Variants in KIF16B observed in about 807,000 individuals in gnomAD.
KIF16B encodes kinesin family member 16B.
A neutral mutation model predicts 156.3 loss-of-function variants in KIF16B; 98 were observed. The observed-to-expected ratio is 0.63, with a 90% confidence interval of 0.53 to 0.74. The LOEUF (loss-of-function observed/expected upper bound fraction) is 0.74, where lower values mean the gene tolerates loss of function less well. Among genes scored for constraint, KIF16B ranks in the 30% least tolerant of loss-of-function variants. The pLI is 0.00. For synonymous variants in KIF16B, 564 were observed against 583.7 expected, an observed-to-expected ratio of 0.97 and a Z score of 0.49; for missense variants, 1,421 against 1,606.5, an observed-to-expected ratio of 0.88 and a Z score of 1.97.
At chr20:16,436,716 C>T (rs984421364) in intron 12 of KIF16B, among the ~76,000 whole-genome samples, 47 of 152,316 alleles carry the variant, frequency 3.1e-4, no homozygotes, top group African/African-American at 1.1e-3. Context: ...AGCAGTATTG[C>T]TGCTGCAGGC....
intron 1 of KIF16B, among the ~76,000 whole-genome samples, chr20:16,543,650 A>G (rs2070289666): frequency 6.6e-6 from 1 of 152,134 alleles, no homozygotes; most frequent in South Asian, 2.1e-4. Flanking sequence ...GCTCAAGACC[A>G]AAGATAATAA....
At chr20:16,406,252 C>G (rs762182894) in intron 16 of KIF16B, 122 bp downstream of exon 16, 17 of 784,340 alleles carry the variant, frequency 2.2e-5, no homozygotes, top group Non-Finnish European at 3.5e-5. Flanking sequence ...ATCCAGATCA[C>G]AGAACTACTT....
chr20:16,559,383 A>G (rs2147348191), intron 1 of KIF16B, among the ~76,000 whole-genome samples: 2 of 152,338 alleles, frequency 1.3e-5, no homozygotes, highest in South Asian at 4.1e-4. Context: ...CTCTTACCCT[A>G]AATATGGTTA....
In KIF16B at chr20:16,379,664, G is replaced by T; in HGVS notation, c.2338C>A (p.Arg780=). The T allele has an allele frequency of 1.9e-6, 3 of 1,613,984 alleles. No individual in the cohort carries two copies. Among genetic ancestry groups the T allele is most frequent in the East Asian group, 2.2e-5 (1 of 44,850 alleles). ...REKQEMIQLL[R]RGEVQWVEEE... ...TCCACCCACTGTACCTCCCCACGCCGCAGGAGCTGGATCATCTCCTGCTTC... is the reference window on the plus strand; with the variant it reads ...TCCACCCACTGTACCTCCCCACGCCTCAGGAGCTGGATCATCTCCTGCTTC... The change falls in exon 19 of 26, where the codon CGG becomes AGG. Residue 780 remains arginine, a synonymous_variant. Transcript: ENST00000354981.
intron 24 of KIF16B, among the ~76,000 whole-genome samples, chr20:16,326,286 A>G (rs925826361): frequency 3.9e-5 from 6 of 151,930 alleles, no homozygotes; most frequent in East Asian, 3.8e-4. Flanking sequence ...AACAAAAAAA[A>G]AAAGATAAAT....
intron 1 of KIF16B, among the ~76,000 whole-genome samples, chr20:16,558,317 C>G (rs1284664739): frequency 6.6e-6 from 1 of 152,228 alleles, no homozygotes; most frequent in Non-Finnish European, 1.5e-5. Flanking sequence ...CCAGTAACAA[C>G]AGGTTCCCAG....
chr20:16,277,945 C>T (rs562687830), intron 25 of KIF16B, among the ~76,000 whole-genome samples: 29 of 152,348 alleles, frequency 1.9e-4, no homozygotes, highest in African/African-American at 6.3e-4. Flanking sequence ...ACACCTGAGT[C>T]TTTGCTTTGT....
At chr20:16,388,377 A>G (rs1412697035) in intron 17 of KIF16B, among the ~76,000 whole-genome samples, 2 of 152,192 alleles carry the variant, frequency 1.3e-5, no homozygotes, top group African/African-American at 4.8e-5. Context: ...TATAAATGTG[A>G]GTGTGTCATT....
Position 16,573,330 on chromosome 20 carries a change from G to A in KIF16B, c.-55C>T. Reference sequence around the variant, plus strand: ...CCCACTAGCCCAGAACTCCGCGGTCGCCGGCGACGCTGGCTACTCAGATCG... The same window carrying A: ...CCCACTAGCCCAGAACTCCGCGGTCACCGGCGACGCTGGCTACTCAGATCG... On this transcript the variant is annotated 5_prime_UTR_variant, in exon 1 of 26. Coordinates refer to ENST00000354981, the MANE Select transcript of KIF16B (RefSeq NM_024704.5). 1 of 1,585,560 alleles carries A rather than the reference G, an allele frequency of 6.3e-7. No individual in the cohort carries two copies. The highest frequency in any genetic ancestry group is 8.6e-7 in the Non-Finnish European group (1 of 1,161,700).
At chr20:16,562,667 C>A (rs927544322) in intron 1 of KIF16B, among the ~76,000 whole-genome samples, 1 of 152,222 alleles carries the variant, frequency 6.6e-6, no homozygotes, top group African/African-American at 2.4e-5. Context: ...TGAACAAGAT[C>A]TACACGGTGA....
intron 12 of KIF16B, among the ~76,000 whole-genome samples, chr20:16,467,855 A>T (rs909083644): frequency 6.6e-6 from 1 of 152,196 alleles, no homozygotes; most frequent in African/African-American, 2.4e-5. Context: ...TTCTTAATTG[A>T]TCTAATAGTT....
intron 12 of KIF16B, among the ~76,000 whole-genome samples, chr20:16,437,414 C>T (rs760843342): frequency 6.6e-6 from 1 of 152,130 alleles, no homozygotes; most frequent in Non-Finnish European, 1.5e-5. Context: ...AAGGCATTGA[C>T]AATTTTGAAA....
chr20:16,528,229 C>G, intron 2 of KIF16B, 142 bp downstream of exon 2: 1 of 635,046 alleles, frequency 1.6e-6, no homozygotes, highest in Non-Finnish European at 2.8e-6. Context: ...TGAGCCCAAG[C>G]CAGGTGCAAG....
chr20:16,473,731 T>A (rs78644652), intron 12 of KIF16B, among the ~76,000 whole-genome samples: 2,965 of 152,300 alleles, frequency 0.019, 104 homozygotes, highest in African/African-American at 0.067. Flanking sequence ...TAAGACTCCA[T>A]CCATTTTGAA....
intron 1 of KIF16B, among the ~76,000 whole-genome samples, chr20:16,536,782 C>T (rs992685870): frequency 6.6e-6 from 1 of 152,136 alleles, no homozygotes; most frequent in African/African-American, 2.4e-5. Flanking sequence ...TCCAGTACTT[C>T]CTTCCCATCC....
intron 12 of KIF16B, among the ~76,000 whole-genome samples, chr20:16,448,876 CAGAGAG>C (rs138248990): frequency 1.6e-4 from 24 of 145,462 alleles, no homozygotes; most frequent in African/African-American, 2.8e-4. Flanking sequence ...AGAAATATGA[CAGAGAG>C]AGAGAGAGAG....
intron 2 of KIF16B, among the ~76,000 whole-genome samples, chr20:16,526,744 T>C (rs956606283): frequency 2.6e-5 from 4 of 152,344 alleles, no homozygotes; most frequent in South Asian, 2.1e-4. Flanking sequence ...TGTTTGCATA[T>C]ATCTTGTCCC....
At chr20:16,446,157 C>T (rs1192082316) in intron 12 of KIF16B, among the ~76,000 whole-genome samples, 1 of 152,146 alleles carries the variant, frequency 6.6e-6, no homozygotes, top group Non-Finnish European at 1.5e-5. Flanking sequence ...AAAATTTACC[C>T]TTGTGTACCA....
At chr20:16,287,721 T>C (rs1455186887) in intron 25 of KIF16B, among the ~76,000 whole-genome samples, 1 of 152,230 alleles carries the variant, frequency 6.6e-6, no homozygotes, top group African/African-American at 2.4e-5. Flanking sequence ...GTGATGACGA[T>C]GACCCAGCCT....
Sources: gnomAD v4.1 joint callset for allele counts (sites outside exome capture counted in the v4.1 genomes callset) on GRCh38, gnomAD v4.1.1 for gene constraint, MANE v1.5 for transcripts, NCBI Gene and HGNC (gene_info 2026-07-23, HGNC 2026-07-21) for gene names.